The following BMP5 variants were observed in gnomAD, a reference collection of about 807,000 sequenced individuals.
BMP5 encodes the protein bone morphogenetic protein 5.
Under a neutral mutation model 46.6 loss-of-function variants are expected in BMP5, and 23 were observed. The ratio of observed to expected loss-of-function variants is 0.49; its 90% CI spans 0.35 to 0.70. The LOEUF (loss-of-function observed/expected upper bound fraction) is 0.70, where lower values mean the gene tolerates loss of function less well. BMP5 is among the 30% of genes least tolerant of loss of function. The probability of loss-of-function intolerance (pLI) is 0.00; values close to 1 mark genes in which losing one functional copy is unlikely to be tolerated. For synonymous variants in BMP5, 204 were observed against 191.9 expected (o/e 1.06, Z -0.52); for missense variants, 545 against 565.6 (o/e 0.96, Z 0.37).
intron 2 of BMP5, among the ~76,000 whole-genome samples, chr6:55,817,894 A>C (rs1299569020): frequency 6.6e-6 from 1 of 152,188 alleles, no homozygotes; most frequent in Non-Finnish European, 1.5e-5. Flanking sequence ...AACAATGTAC[A>C]TAATGGAAAC....
Position 55,755,515 on chromosome 6 carries a change from T to C in BMP5, c.*18A>G. On this transcript the variant is annotated 3_prime_UTR_variant, in exon 7 of 7. Coordinates refer to ENST00000370830, the MANE Select transcript of BMP5 (RefSeq NM_021073.4). ...ACCTTAATACAGATCTTTTTGTTATTATCAATATTATTTAATATTAGTGGC... is the reference window on the plus strand; with the variant it reads ...ACCTTAATACAGATCTTTTTGTTATCATCAATATTATTTAATATTAGTGGC... The C allele has an allele frequency of 1.0e-5, 16 of 1,593,450 alleles. No homozygotes were observed. The highest frequency in any genetic ancestry group is 1.4e-5 in the Non-Finnish European group (16 of 1,162,768).
At chr6:55,857,284 G>T (rs1777423403) in intron 1 of BMP5, among the ~76,000 whole-genome samples, 2 of 152,156 alleles carry the variant, frequency 1.3e-5, no homozygotes, top group Non-Finnish European at 2.9e-5. Context: ...ACTATGCTAT[G>T]ATACAGTATT....
chr6:55,854,972 T>C (rs1777349955), intron 1 of BMP5, among the ~76,000 whole-genome samples: 1 of 152,138 alleles, frequency 6.6e-6, no homozygotes, highest in Non-Finnish European at 1.5e-5. Flanking sequence ...ATTTTTAAAA[T>C]AGTCTGGACC....
At chr6:55,835,466 A>G (rs1776771213) in intron 1 of BMP5, among the ~76,000 whole-genome samples, 1 of 152,206 alleles carries the variant, frequency 6.6e-6, no homozygotes, top group Non-Finnish European at 1.5e-5. Context: ...CTAACTTGCA[A>G]ATCAACTCAA....
At chr6:55,815,018 A>G (rs1263813485) in intron 2 of BMP5, among the ~76,000 whole-genome samples, 1 of 151,870 alleles carries the variant, frequency 6.6e-6, no homozygotes, top group African/African-American at 2.4e-5. Flanking sequence ...CTGTAGTCCC[A>G]GCTACTCAGG....
At chr6:55,775,127 G>A (rs984787692) in intron 3 of BMP5, among the ~76,000 whole-genome samples, 11 of 151,820 alleles carry the variant, frequency 7.2e-5, no homozygotes, top group Non-Finnish European at 1.5e-4. Context: ...CAGTGAAAAG[G>A]GACACAACAA....
intron 1 of BMP5, among the ~76,000 whole-genome samples, chr6:55,854,560 T>C (rs556622182): frequency 6.6e-6 from 1 of 152,196 alleles, no homozygotes; most frequent in South Asian, 2.1e-4. Flanking sequence ...TTTTTAGCCT[T>C]ATTTTACTAG....
At chr6:55,800,451 A>G (rs1775819986) in intron 2 of BMP5, among the ~76,000 whole-genome samples, 1 of 152,170 alleles carries the variant, frequency 6.6e-6, no homozygotes, top group Non-Finnish European at 1.5e-5. Flanking sequence ...TTCTTGCTCT[A>G]ATTTGTTTGA....
intron 4 of BMP5, among the ~76,000 whole-genome samples, chr6:55,763,940 A>T (rs1774850534): frequency 6.6e-6 from 1 of 152,160 alleles, no homozygotes; most frequent in Admixed American, 6.5e-5. Context: ...ATCATGAAAA[A>T]CAAAATAAAT....
Position 55,759,415 on chromosome 6 carries a change from T to C in BMP5, c.1105-300A>G, listed in dbSNP as rs143640272. ...GGGTAGTTATGTAAGATATTCATAG[T>C]ATGTATTAAACATGTATTCACGAAT... On this transcript the variant is annotated intron_variant, in intron 5 of 6. Transcript: ENST00000370830. Among the ~76,000 whole-genome samples, 84 of 151,968 alleles carry C rather than the reference T, an allele frequency of 5.5e-4. 1 individual carries two copies. The highest frequency in any genetic ancestry group is 2.0e-3 in the African/African-American group (83 of 41,536).
intron 1 of BMP5, among the ~76,000 whole-genome samples, chr6:55,833,152 A>G (rs1776706238): frequency 6.6e-6 from 1 of 152,142 alleles, no homozygotes; most frequent in African/African-American, 2.4e-5. Context: ...AGATATTATG[A>G]ATATCTAACA....
chr6:55,796,698 T>G (rs1051817369), intron 2 of BMP5, among the ~76,000 whole-genome samples: 6 of 135,622 alleles, frequency 4.4e-5, no homozygotes, highest in Non-Finnish European at 9.3e-5. Context: ...CCCCTTCCTG[T>G]GCCCATATGT....
intron 4 of BMP5, 68 bp from the exon 5 acceptor site, chr6:55,760,601 T>A: frequency 7.2e-7 from 1 of 1,381,840 alleles, no homozygotes; most frequent in South Asian, 1.2e-5. Flanking sequence ...TTTTGTGAGA[T>A]CACTGGTAAG....
intron 1 of BMP5, among the ~76,000 whole-genome samples, chr6:55,829,507 ATT>A (rs113728480): frequency 0.026 from 3,941 of 151,810 alleles, 160 homozygotes; most frequent in African/African-American, 0.088. Flanking sequence ...GTATATATAT[ATT>A]TTTTACTTCC....
Position 55,792,326 on chromosome 6 carries a change from G to A in BMP5, c.832+1953C>T, listed in dbSNP as rs1175650957. 2.0e-5 allele frequency among the ~76,000 whole-genome samples: 3 copies of A among 152,254 alleles called. No homozygotes were observed. The East Asian group carries it at 5.8e-4, about 30-fold the overall frequency. ...AGGCGGGCGGATCACGAGGTCAGGA[G>A]ATCGAGACCATCCTGGCTAACACGG... On this transcript the variant is annotated intron_variant, in intron 3 of 6. Coordinates refer to ENST00000370830, the MANE Select transcript of BMP5 (RefSeq NM_021073.4).
At chr6:55,803,430 A>T (rs974707515) in intron 2 of BMP5, among the ~76,000 whole-genome samples, 1 of 152,168 alleles carries the variant, frequency 6.6e-6, no homozygotes, top group East Asian at 1.9e-4. Flanking sequence ...AACAGAAATG[A>T]CAAATTCCAG....
chr6:55,793,019 A>C (rs1418148475), intron 3 of BMP5, among the ~76,000 whole-genome samples: 1 of 151,292 alleles, frequency 6.6e-6, no homozygotes, highest in African/African-American at 2.4e-5. Flanking sequence ...GTTTTTTATA[A>C]ATATTTAAAA....
chr6:55,819,924 G>T (rs991368596), intron 1 of BMP5, 77 bp from the exon 2 acceptor site: 3 of 1,275,458 alleles, frequency 2.4e-6, no homozygotes, highest in Non-Finnish European at 2.2e-6. Flanking sequence ...AAATTCTCCA[G>T]CTTTGAAAGA....
intron 4 of BMP5, among the ~76,000 whole-genome samples, chr6:55,766,251 AT>A (rs370035692): frequency 7.3e-5 from 11 of 151,488 alleles, no homozygotes; most frequent in Admixed American, 2.0e-4. Context: ...GACATCTCTG[AT>A]TTTTTTTGGC....
Sources: allele counts gnomAD v4.1 joint callset (sites outside exome capture counted in the v4.1 genomes callset), GRCh38; gene constraint gnomAD v4.1.1; transcripts MANE v1.5; gene names NCBI Gene and HGNC (gene_info 2026-07-23, HGNC 2026-07-21).